Variants in TTC29 observed in about 807,000 individuals in gnomAD.
The protein encoded by TTC29 is tetratricopeptide repeat protein 29.
TTC29 carries 49 observed loss-of-function variants against 58.1 expected under a neutral mutation model. The observed-to-expected ratio is 0.84, with a 90% CI of 0.67 to 1.07. The LOEUF is 1.07. Among genes scored for constraint, TTC29 ranks in the 50% least tolerant of loss-of-function variants. TTC29 has a pLI of 0.00. For missense variants in TTC29, 582 were observed against 555.6 expected, an observed-to-expected ratio of 1.05 and a Z score of -0.48; for synonymous variants, 209 against 196.8, an observed-to-expected ratio of 1.06 and a Z score of -0.52.
In TTC29 at chr4:146,728,798, TATATAC is replaced by T; in HGVS notation, c.1331-21253_1331-21248del. Among the ~76,000 whole-genome samples, 2 of 130,958 alleles carry T rather than the reference TATATAC, an allele frequency of 1.5e-5. 1 individual carries two copies. The highest frequency in any genetic ancestry group is 3.3e-5 in the Non-Finnish European group (2 of 60,422). The allele number at this position is 130,958 out of a possible 152,430, so 85.9% of individuals were successfully genotyped here. ...ACATATATATGTGTATATATACGTATATATACACATATATATGTGTATATATACATA... is the reference window on the plus strand; with the variant it reads ...ACATATATATGTGTATATATACGTATACATATATATGTGTATATATACATA... On this transcript the variant is annotated intron_variant, in intron 11 of 12. Transcript: ENST00000325106.
intron 10 of TTC29, among the ~76,000 whole-genome samples, chr4:146,806,978 A>C (rs1750663199): frequency 6.6e-6 from 1 of 152,228 alleles, no homozygotes; most frequent in Non-Finnish European, 1.5e-5. Flanking sequence ...AATTGACCAC[A>C]TAATTGGAAG....
intron 9 of TTC29, chr4:146,831,639 A>T: frequency 2.4e-6 from 1 of 411,184 alleles, no homozygotes; most frequent in Non-Finnish European, 5.0e-6. Flanking sequence ...ACATCAGATT[A>T]CCTGGTAGTG....
At chr4:146,832,563 C>T (rs111736094) in intron 9 of TTC29, among the ~76,000 whole-genome samples, 9,550 of 152,142 alleles carry the variant, frequency 0.063, 404 homozygotes, top group Admixed American at 0.13. Flanking sequence ...CCGCCACCTC[C>T]CAGGTTCAAG....
At chr4:146,803,395 A>T in intron 11 of TTC29, 62 bp downstream of exon 11, 2 of 1,191,488 alleles carry the variant, frequency 1.7e-6, no homozygotes, top group Non-Finnish European at 2.3e-6. Flanking sequence ...CTTTCCAATG[A>T]AAGTAAATTA....
intron 11 of TTC29, among the ~76,000 whole-genome samples, chr4:146,764,376 C>T (rs1184922928): frequency 6.6e-6 from 1 of 152,012 alleles, no homozygotes; most frequent in Non-Finnish European, 1.5e-5. Context: ...GCCTTAACCC[C>T]TCTCATTGTG....
intron 7 of TTC29, among the ~76,000 whole-genome samples, chr4:146,872,887 T>C (rs1434796333): frequency 1.3e-5 from 2 of 152,046 alleles, no homozygotes; most frequent in East Asian, 3.9e-4. Context: ...AAGCATATAA[T>C]CAAGATCTTT....
intron 11 of TTC29, among the ~76,000 whole-genome samples, chr4:146,730,171 G>T (rs1297239759): frequency 6.6e-6 from 1 of 151,872 alleles, no homozygotes; most frequent in African/African-American, 2.4e-5. Flanking sequence ...TCCATATCTT[G>T]TATAGTATCT....
At chr4:146,846,153 T>C (rs1729155834) in intron 8 of TTC29, among the ~76,000 whole-genome samples, 1 of 152,112 alleles carries the variant, frequency 6.6e-6, no homozygotes, top group Non-Finnish European at 1.5e-5. Context: ...CTATGGTAAA[T>C]GAAAAGTGTA....
intron 11 of TTC29, among the ~76,000 whole-genome samples, chr4:146,731,691 G>C (rs1579546941): frequency 6.6e-6 from 1 of 152,208 alleles, no homozygotes; most frequent in East Asian, 1.9e-4. Flanking sequence ...TGACAAATTG[G>C]GAAAATTGGT....
chr4:146,874,578 A>G, intron 7 of TTC29, 138 bp downstream of exon 7: 2 of 721,376 alleles, frequency 2.8e-6, no homozygotes, highest in South Asian at 1.9e-5. Context: ...GTGAAATTTG[A>G]AAGTAAATTG....
chr4:146,723,952 T>C (rs367668616), intron 11 of TTC29, among the ~76,000 whole-genome samples: 22 of 152,164 alleles, frequency 1.4e-4, no homozygotes, highest in African/African-American at 5.1e-4. Context: ...TTGTTCAGAA[T>C]ACCAAAGACA....
intron 8 of TTC29, among the ~76,000 whole-genome samples, chr4:146,855,997 T>A (rs1445105387): frequency 6.6e-6 from 1 of 152,206 alleles, no homozygotes; most frequent in Non-Finnish European, 1.5e-5. Context: ...TGTCACAAAA[T>A]TAGTCTTGTG....
At chr4:146,896,661 C>A (rs999475948) in intron 6 of TTC29, among the ~76,000 whole-genome samples, 1 of 152,178 alleles carries the variant, frequency 6.6e-6, no homozygotes, top group African/African-American at 2.4e-5. Flanking sequence ...TATTCTTCCT[C>A]AGGAACTTCC....
intron 8 of TTC29, among the ~76,000 whole-genome samples, chr4:146,863,370 T>C (rs1388380361): frequency 6.6e-6 from 1 of 152,196 alleles, no homozygotes; most frequent in Admixed American, 6.5e-5. Context: ...AATTTGGCTC[T>C]AGGCCTTTTT....
At chr4:146,708,188 TG>T (rs925024387) in intron 11 of TTC29, among the ~76,000 whole-genome samples, 13 of 151,656 alleles carry the variant, frequency 8.6e-5, no homozygotes, top group African/African-American at 3.2e-4. Flanking sequence ...TATAATAAAA[TG>T]GCTACTGAAA....
intron 11 of TTC29, among the ~76,000 whole-genome samples, chr4:146,794,515 A>AG (rs961254434): frequency 1.3e-5 from 2 of 152,134 alleles, no homozygotes; most frequent in Admixed American, 1.3e-4. Flanking sequence ...TTAATCTCAA[A>AG]GTTTTAAGAT....
intron 11 of TTC29, among the ~76,000 whole-genome samples, chr4:146,739,427 T>C (rs752310200): frequency 2.8e-4 from 43 of 152,232 alleles, no homozygotes; most frequent in Admixed American, 6.5e-4. Context: ...CTGTAGTCCA[T>C]ATTATGTTCT....
At chr4:146,749,791 G>T (rs1438408120) in intron 11 of TTC29, among the ~76,000 whole-genome samples, 3 of 152,094 alleles carry the variant, frequency 2.0e-5, no homozygotes, top group Non-Finnish European at 4.4e-5. Flanking sequence ...AAAGCAGCAA[G>T]AGAAAAACAT....
chr4:146,731,602 C>T (rs566257072), intron 11 of TTC29, among the ~76,000 whole-genome samples: 22 of 152,202 alleles, frequency 1.4e-4, no homozygotes, highest in Admixed American at 1.4e-3. Context: ...AGTAGTGTTT[C>T]TATGTGGCAA....
Sources: gnomAD v4.1 joint callset for allele counts (sites outside exome capture counted in the v4.1 genomes callset) on GRCh38, gnomAD v4.1.1 for gene constraint, MANE v1.5 for transcripts, NCBI Gene and HGNC (gene_info 2026-07-23, HGNC 2026-07-21) for gene names.